MAP1A: variants seen among roughly 807,000 people sequenced by gnomAD.
MAP1A encodes microtubule-associated protein 1A.
In MAP1A, 42 loss-of-function variants were observed where a neutral mutation model predicts 185.9. The ratio of observed to expected loss-of-function variants is 0.23; its 90% CI spans 0.18 to 0.29. MAP1A has a LOEUF of 0.29. Ranked by LOEUF, MAP1A falls within the 10% of genes least tolerant of loss-of-function variation. MAP1A has a pLI of 1.00. For synonymous variants in MAP1A, 1,229 were observed against 1,335.9 expected (o/e 0.92, Z 1.74); for missense variants, 2,995 against 3,450.4 (o/e 0.87, Z 3.31).
chr15:43,530,850 T>C lies in MAP1A; in HGVS notation c.*626T>C, dbSNP rs2079368864. Reference sequence around the variant, plus strand: ...CTTGAAGCTCTTTAGACCAATAGACTGGTGAGAGGAGAAAGGAGCTTATCC... The same window carrying C: ...CTTGAAGCTCTTTAGACCAATAGACCGGTGAGAGGAGAAAGGAGCTTATCC... On this transcript the variant is annotated 3_prime_UTR_variant, in exon 6 of 6. Coordinates refer to ENST00000300231, the MANE Select transcript of MAP1A (RefSeq NM_002373.6). The C allele has an allele frequency of 6.5e-6, 1 of 153,978 alleles. No individual in the cohort carries two copies. The highest frequency in any genetic ancestry group is 2.4e-5 in the African/African-American group (1 of 41,442). The allele number at this position is 153,978 out of a possible 1,614,324, so 9.5% of individuals were successfully genotyped here. A position where few individuals can be genotyped will look rare whatever the true frequency, so the allele number is the denominator to read the frequency against.
chr15:43,525,464 C>T lies in MAP1A; in HGVS notation c.3991C>T (p.Pro1331Ser), dbSNP rs1060942. Reference protein sequence around the residue: ...SSFSKSPESLPGPALEDIAIK... With the variant: ...SSFSKSPESLSGPALEDIAIK... The stretch of plus-strand genomic sequence containing the variant: ...CTTCTCCAAGAGTCCTGAGTCTTTG[C>T]CAGGCCCTGCCTTGGAGGACATTGC... Residue 1331 changes from proline (P) to serine (S), a missense_variant, in exon 4 of 6, where the codon CCA (proline) becomes TCA (serine). Pro to Ser is a moderately conservative substitution (Grantham distance 74). This residue lies in a region of MAP1A where 2,728 missense variants were observed against 2,986.0 expected (regional missense o/e 0.91). Coordinates refer to ENST00000300231, the MANE Select transcript of MAP1A (RefSeq NM_002373.6). 5.0e-6 allele frequency: 8 copies of T among 1,614,224 alleles called. No individual in the cohort carries two copies. The highest frequency in any genetic ancestry group is 1.1e-5 in the South Asian group (1 of 91,082).
intron 1 of MAP1A, among the ~76,000 whole-genome samples, chr15:43,519,249 G>T (rs2079310501): frequency 6.6e-6 from 1 of 152,148 alleles, no homozygotes; most frequent in Non-Finnish European, 1.5e-5. Context: ...CAATTCTCAA[G>T]TAAATAGAAG....
At chr15:43,520,355 T>C (rs1020904363) in intron 1 of MAP1A, among the ~76,000 whole-genome samples, 3 of 152,080 alleles carry the variant, frequency 2.0e-5, no homozygotes. Context: ...TAGGGCAGTC[T>C]GAGGCCATAG....
chr15:43,520,382 G>A lies in MAP1A; in HGVS notation c.-374-259G>A, dbSNP rs146300990. ...AGGCCATAGTTCCAGGCAGAGGGAT[G>A]GGGGCACAGGCAGCAGAGGGTGTGG... On this transcript the variant is annotated intron_variant, in intron 1 of 5. Coordinates refer to ENST00000300231, the MANE Select transcript of MAP1A (RefSeq NM_002373.6). 3.6e-3 allele frequency among the ~76,000 whole-genome samples: 544 copies of A among 152,250 alleles called. 3 individuals are homozygous for A. Among genetic ancestry groups the A allele is most frequent in the African/African-American group, 0.012 (513 of 41,542 alleles).
Position 43,526,866 on chromosome 15 carries a change from C to T in MAP1A, c.5393C>T (p.Pro1798Leu), listed in dbSNP as rs2079346323. The change falls in exon 4 of 6, where the codon CCT becomes CTT. Residue 1798 changes from proline to leucine, a missense_variant. Physicochemically the swap from Pro to Leu is moderately conservative, Grantham distance 98 (BLOSUM62 -3). This residue lies in a region of MAP1A where 2,728 missense variants were observed against 2,986.0 expected (regional missense o/e 0.91). Transcript: ENST00000300231. The surrounding 1 kb of genome is among the most constrained non-coding windows in gnomAD (Gnocchi z 4.7). ...CGCTCTCCCTTTGAGATCATCTCCC[C>T]TCCAGCTTCCCCACCTGAGATGGTT... ...LTRSPFEIIS[P>L]PASPPEMVGQ... is the part of the protein sequence containing the mutation. The T allele has an allele frequency of 3.1e-6, 5 of 1,614,138 alleles. No individual in the cohort carries two copies. The highest frequency in any genetic ancestry group is 1.1e-5 in the South Asian group (1 of 91,078).
intron 1 of MAP1A, among the ~76,000 whole-genome samples, chr15:43,519,506 G>T (rs2079311563): frequency 6.6e-6 from 1 of 152,184 alleles, no homozygotes; most frequent in African/African-American, 2.4e-5. Context: ...CCTCCCACCA[G>T]TATCCTCCAG....
Position 43,529,961 on chromosome 15 carries a change from C to A in MAP1A, c.8256+91C>A, listed in dbSNP as rs957935061. On this transcript the variant is annotated intron_variant, in intron 5 of 5. Transcript: ENST00000300231. This position sits in a 1 kb window ranked among gnomAD's most constrained non-coding sequence, Gnocchi z 4.3. ...CAGTCCCTATTTATTAAAGGATGGGCCTTTTCTAAGGGCAGCAGAGCTGCT... is the reference window on the plus strand; with the variant it reads ...CAGTCCCTATTTATTAAAGGATGGGACTTTTCTAAGGGCAGCAGAGCTGCT... 2 of 1,552,878 alleles carry A rather than the reference C, an allele frequency of 1.3e-6. No homozygotes were observed. Among genetic ancestry groups the A allele is most frequent in the Admixed American group, 3.4e-5 (2 of 57,978 alleles).
In MAP1A at chr15:43,522,342, G is replaced by T. The variant is rs201399898; in HGVS notation, c.869G>T (p.Arg290Leu). The change falls in exon 4 of 6, where the codon CGT becomes CTT. Residue 290 changes from arginine to leucine, a missense_variant. Transcript: ENST00000300231. The surrounding 1 kb of genome is among the most constrained non-coding windows in gnomAD (Gnocchi z 5.9). Reference sequence around the variant, plus strand: ...AAGCTTCGGCATCTGGACTTCCTGCGTTACCCTGTGGCCACGCAGAAGGAC... The same window carrying T: ...AAGCTTCGGCATCTGGACTTCCTGCTTTACCCTGTGGCCACGCAGAAGGAC... ...LEKLRHLDFLRYPVATQKDLA... is the reference protein window; with the variant it reads ...LEKLRHLDFLLYPVATQKDLA... 6.2e-7 allele frequency: 1 copy of T among 1,613,998 alleles called. No individual in the cohort carries two copies. The highest frequency in any genetic ancestry group is 8.5e-7 in the Non-Finnish European group (1 of 1,180,030).
intron 1 of MAP1A, among the ~76,000 whole-genome samples, chr15:43,519,367 A>T (rs572009742): frequency 6.6e-6 from 1 of 152,184 alleles, no homozygotes; most frequent in Admixed American, 6.5e-5. Context: ...GTGCTGCCAG[A>T]TCTGCCTGAT....
chr15:43,511,976 C>G (rs2079281555), intron 1 of MAP1A, among the ~76,000 whole-genome samples: 1 of 152,214 alleles, frequency 6.6e-6, no homozygotes, highest in Non-Finnish European at 1.5e-5. Flanking sequence ...GTCCTTCTCC[C>G]TCTGGCTCAG....
chr15:43,515,515 T>G (rs1199927981), upstream of MAP1A, among the ~76,000 whole-genome samples: 1 of 152,176 alleles, frequency 6.6e-6, no homozygotes, highest in Non-Finnish European at 1.5e-5. Context: ...ATTTATGATT[T>G]CCTTGATCAC....
rs1251772212 is a variant in MAP1A at position 43,524,415 on chromosome 15, A to G, written c.2942A>G (p.Glu981Gly). 1.2e-6 allele frequency: 2 copies of G among 1,614,218 alleles called. No individual in the cohort carries two copies. The highest frequency in any genetic ancestry group is 8.5e-7 in the Non-Finnish European group (1 of 1,180,024). ...GGAGAACCAGCCCTTGGAGAAGCAG[A>G]GGAGCGGTGCCTTAGCCCAGATGAC... ...HPGEPALGEA[E>G]ERCLSPDDST... is the part of the protein sequence containing the mutation. The change falls in exon 4 of 6, where the codon GAG becomes GGG. Residue 981 changes from glutamate (E) to glycine (G), a missense_variant. This residue lies in a region of MAP1A where 2,728 missense variants were observed against 2,986.0 expected (regional missense o/e 0.91). Coordinates refer to ENST00000300231, the MANE Select transcript of MAP1A (RefSeq NM_002373.6).
At position 43,523,456 on chromosome 15, in the gene MAP1A, G is replaced by A; in HGVS notation, c.1983G>A (p.Met661Ile). 2 of 1,613,910 alleles carry A rather than the reference G, an allele frequency of 1.2e-6. No individual in the cohort carries two copies. The highest frequency in any genetic ancestry group is 1.7e-6 in the Non-Finnish European group (2 of 1,179,910). ...DVIEKAELEE[M>I]EEVHPSDEEE... is the part of the protein sequence containing the mutation. ...TAGAAAAGGCTGAGTTAGAAGAAAT[G>A]GAGGAGGTACACCCTTCAGATGAGG... The change falls in exon 4 of 6, where the codon ATG becomes ATA. Residue 661 changes from methionine (M) to isoleucine (I), a missense_variant. This residue lies in a region of MAP1A where 2,728 missense variants were observed against 2,986.0 expected (regional missense o/e 0.91). Coordinates refer to ENST00000300231, the MANE Select transcript of MAP1A (RefSeq NM_002373.6).
intron 2 of MAP1A, chr15:43,512,326 A>T: frequency 7.0e-7 from 1 of 1,427,384 alleles, no homozygotes; most frequent in Non-Finnish European, 9.7e-7. Context: ...TCCTTTGGGT[A>T]AGAGCTGGTC....
Position 43,523,345 on chromosome 15 carries a change from G to C in MAP1A, c.1872G>C (p.Glu624Asp), listed in dbSNP as rs371272850. 1.1e-4 allele frequency: 183 copies of C among 1,610,120 alleles called. No homozygotes were observed. Among genetic ancestry groups the C allele is most frequent in the Non-Finnish European group, 1.5e-4 (180 of 1,178,090 alleles). ...AETEEEKDTW[E>D]EKKQREAERL... ...CAGAGGAAGAGAAAGATACCTGGGA[G>C]GAAAAGAAGCAGAGGGAAGCAGAGA... The change falls in exon 4 of 6, where the codon GAG (glutamate) becomes GAC (aspartate). Residue 624 changes from glutamate to aspartate, a missense_variant. By Grantham distance (45) the Glu-to-Asp change is conservative (BLOSUM62 2). Around this residue, in one of 3 missense-constraint regions of MAP1A, gnomAD observed 2,728 missense variants for 2,986.0 expected, o/e 0.91. Transcript: ENST00000300231.
At position 43,524,523 on chromosome 15, in the gene MAP1A, A is replaced by G. The variant is rs756295120; in HGVS notation, c.3050A>G (p.Glu1017Gly). 9 of 1,614,186 alleles carry G rather than the reference A, an allele frequency of 5.6e-6. No homozygotes were observed. The highest frequency in any genetic ancestry group is 4.5e-5 in the East Asian group (2 of 44,878). The change falls in exon 4 of 6, where the codon GAA becomes GGA. Residue 1017 changes from glutamate (E) to glycine (G), a missense_variant. Glu to Gly is a moderately conservative substitution (Grantham distance 98). This residue lies in a region of MAP1A where 2,728 missense variants were observed against 2,986.0 expected (regional missense o/e 0.91). Coordinates refer to ENST00000300231, the MANE Select transcript of MAP1A (RefSeq NM_002373.6). Reference protein sequence around the residue: ...HTPFHQSPVEEKSEPQDFQEA... With the variant: ...HTPFHQSPVEGKSEPQDFQEA... ...CCCTTTCATCAGTCCCCAGTGGAAGAAAAGTCTGAGCCCCAAGACTTTCAG... is the reference window on the plus strand; with the variant it reads ...CCCTTTCATCAGTCCCCAGTGGAAGGAAAGTCTGAGCCCCAAGACTTTCAG...
rs1353283049 is a variant in MAP1A at position 43,521,653 on chromosome 15, C to A, written c.180C>A (p.Ile60=). 6.2e-7 allele frequency: 1 copy of A among 1,614,060 alleles called. No homozygotes were observed. Among genetic ancestry groups the A allele is most frequent in the African/African-American group, 1.3e-5 (1 of 74,936 alleles). ...SALFAVNGFN[I]LVDGGSDRKS... is the part of the protein sequence containing the mutation. ...TCTTTGCTGTCAATGGTTTCAACAT[C>A]CTGGTGGATGGTGGCTCTGATCGCA... is the stretch of plus-strand genomic sequence containing the variant. The change falls in exon 4 of 6, where the codon ATC becomes ATA. Residue 60 remains isoleucine, a synonymous_variant. Coordinates refer to ENST00000300231, the MANE Select transcript of MAP1A (RefSeq NM_002373.6). This position sits in a 1 kb window ranked among gnomAD's most constrained non-coding sequence, Gnocchi z 4.6.
intron 1 of MAP1A, among the ~76,000 whole-genome samples, chr15:43,518,718 G>A (rs7181665): frequency 6.6e-4 from 52 of 78,376 alleles, no homozygotes; most frequent in South Asian, 9.3e-4. Flanking sequence ...ACCCCCCCCC[G>A]CAACTCCAGC....
Position 43,527,444 on chromosome 15 carries a change from G to C in MAP1A, c.5971G>C (p.Gly1991Arg). The part of the protein sequence containing the change: ...PACPTREPPL[G>R]AAGDWPPCLS... ...ATGCCCCACTAGAGAGCCTCCACTT[G>C]GAGCAGCTGGGGATTGGCCCCCATG... Residue 1991 changes from glycine to arginine, a missense_variant, in exon 4 of 6, where the codon GGA (glycine) becomes CGA (arginine). Coordinates refer to ENST00000300231, the MANE Select transcript of MAP1A (RefSeq NM_002373.6). The C allele has an allele frequency of 6.2e-7, 1 of 1,614,170 alleles. No individual in the cohort carries two copies. The highest frequency in any genetic ancestry group is 1.3e-5 in the African/African-American group (1 of 75,038).
Sources: allele counts gnomAD v4.1 joint callset (sites outside exome capture counted in the v4.1 genomes callset), GRCh38; gene constraint gnomAD v4.1.1; regional missense constraint gnomAD v4.1.1; non-coding constraint Gnocchi (gnomAD v3.1); transcripts MANE v1.5; gene names NCBI Gene and HGNC (gene_info 2026-07-23, HGNC 2026-07-21).